The following CRB1 variants were observed in gnomAD, a reference collection of about 807,000 sequenced individuals.
CRB1 encodes protein crumbs homolog 1.
Under a neutral mutation model 120.0 loss-of-function variants are expected in CRB1, and 83 were observed. That is an observed-to-expected ratio of 0.69 (90% CI 0.58 to 0.83). The LOEUF (loss-of-function observed/expected upper bound fraction) is 0.83, where lower values mean the gene tolerates loss of function less well. Among genes scored for constraint, CRB1 ranks in the 40% least tolerant of loss-of-function variants. CRB1 has a pLI of 0.00. For missense variants in CRB1, 1,699 were observed against 1,687.6 expected (o/e 1.01, Z -0.12); for synonymous variants, 625 against 612.5 (o/e 1.02, Z -0.30).
At chr1:197,450,023 A>C (rs1050147603) in intron 11 of CRB1, among the ~76,000 whole-genome samples, 2 of 152,094 alleles carry the variant, frequency 1.3e-5, no homozygotes, top group Non-Finnish European at 2.9e-5. Flanking sequence ...CAGAGACTGC[A>C]CTCCAAAAAA....
the CRB1 span, among the ~76,000 whole-genome samples, chr1:197,242,346 G>A: frequency 2.6e-5 from 4 of 152,052 alleles, no homozygotes; most frequent in African/African-American, 7.2e-5. Flanking sequence ...TTTGAGATAC[G>A]TTTCATGAAT....
chr1:197,294,414 G>T (rs1656390320), intron 1 of CRB1, among the ~76,000 whole-genome samples: 1 of 152,100 alleles, frequency 6.6e-6, no homozygotes, highest in Non-Finnish European at 1.5e-5. Flanking sequence ...AATAACAGGT[G>T]CTGGAGAGGA....
the CRB1 span, among the ~76,000 whole-genome samples, chr1:197,212,311 T>A: frequency 6.6e-6 from 1 of 152,144 alleles, no homozygotes; most frequent in Non-Finnish European, 1.5e-5. Context: ...TATAGTCTTA[T>A]ATACACAAAA....
At chr1:197,240,267 G>A in the CRB1 span, among the ~76,000 whole-genome samples, 4 of 152,014 alleles carry the variant, frequency 2.6e-5, no homozygotes, top group South Asian at 2.1e-4. Flanking sequence ...TGTGCAGAAC[G>A]TGCAGGTTTC....
At chr1:197,274,237 G>A (rs1387133875) in intron 1 of CRB1, among the ~76,000 whole-genome samples, 1 of 151,950 alleles carries the variant, frequency 6.6e-6, no homozygotes, top group Non-Finnish European at 1.5e-5. Context: ...AGCGGTATTG[G>A]ACTGTTAACC....
chr1:197,477,728 T>C lies in CRB1; in HGVS notation c.4070T>C (p.Leu1357Pro), dbSNP rs1373409566. 1 of 1,613,988 alleles carries C rather than the reference T, an allele frequency of 6.2e-7. No individual in the cohort carries two copies. Among genetic ancestry groups the C allele is most frequent in the Non-Finnish European group, 8.5e-7 (1 of 1,179,902 alleles). ...TIGSVTVALL[L>P]ILLLAIVASV... ...GGCTCAGTGACTGTCGCCTTGTTACTGATCCTCTTGCTGGCCATTGTTGCT... is the reference window on the plus strand; with the variant it reads ...GGCTCAGTGACTGTCGCCTTGTTACCGATCCTCTTGCTGGCCATTGTTGCT... The change falls in exon 12 of 12, where the codon CTG becomes CCG. Residue 1357 changes from leucine to proline, a missense_variant. Coordinates refer to ENST00000367400, the MANE Select transcript of CRB1 (RefSeq NM_201253.3).
chr1:197,256,105 G>C, the CRB1 span, among the ~76,000 whole-genome samples: 9 of 149,814 alleles, frequency 6.0e-5, no homozygotes, highest in East Asian at 1.8e-3. Context: ...AATTTCTCTT[G>C]TCAAGGTCAT....
upstream of CRB1, among the ~76,000 whole-genome samples, chr1:197,263,551 T>A (rs1378072565): frequency 1.3e-5 from 2 of 152,090 alleles, no homozygotes; most frequent in Non-Finnish European, 2.9e-5. Flanking sequence ...TCAATTTTTG[T>A]TTTTGTTGCA....
At chr1:197,270,732 G>A (rs1271083426) in intron 1 of CRB1, among the ~76,000 whole-genome samples, 1 of 152,112 alleles carries the variant, frequency 6.6e-6, no homozygotes, top group Non-Finnish European at 1.5e-5. Context: ...TTTGTCCAAG[G>A]CCATACTACT....
At chr1:197,473,618 G>GAAAA (rs36091967) in intron 11 of CRB1, among the ~76,000 whole-genome samples, 2 of 145,102 alleles carry the variant, frequency 1.4e-5, no homozygotes, top group East Asian at 2.0e-4. Flanking sequence ...TCATTTTTCA[G>GAAAA]AAAAAAAAAA....
intron 5 of CRB1, among the ~76,000 whole-genome samples, chr1:197,380,570 A>C (rs1246324341): frequency 6.6e-6 from 1 of 152,184 alleles, no homozygotes; most frequent in Admixed American, 6.5e-5. Context: ...AGAACATCCA[A>C]ATAAGATAAT....
intron 6 of CRB1, among the ~76,000 whole-genome samples, chr1:197,422,264 C>T (rs569593723): frequency 4.6e-5 from 7 of 151,772 alleles, no homozygotes; most frequent in African/African-American, 1.7e-4. Context: ...CCATTGGTCA[C>T]ATATCAGAAA....
At chr1:197,375,311 C>CA (rs142497732) in intron 5 of CRB1, among the ~76,000 whole-genome samples, 67 of 152,246 alleles carry the variant, frequency 4.4e-4, no homozygotes, top group African/African-American at 1.6e-3. Context: ...TCAAGTCTTA[C>CA]AGGGGTGATT....
At chr1:197,225,849 C>T in the CRB1 span, among the ~76,000 whole-genome samples, 2 of 152,280 alleles carry the variant, frequency 1.3e-5, no homozygotes, top group East Asian at 1.9e-4. Flanking sequence ...TTTAAGAGTT[C>T]ATTTTGTCTA....
At chr1:197,475,926 T>C (rs554443927) in intron 11 of CRB1, among the ~76,000 whole-genome samples, 2 of 152,330 alleles carry the variant, frequency 1.3e-5, no homozygotes, top group South Asian at 4.2e-4. Flanking sequence ...TGTTTTTGTT[T>C]TGAGACAGAG....
At chr1:197,438,212 TG>T in intron 9 of CRB1, 1 of 328,822 alleles carries the variant, frequency 3.0e-6, no homozygotes, top group Non-Finnish European at 5.9e-6. Flanking sequence ...TGGCCTTTAT[TG>T]ATTTATTAGC....
intron 1 of CRB1, among the ~76,000 whole-genome samples, chr1:197,292,458 AC>A (rs1376943223): frequency 1.3e-5 from 2 of 152,164 alleles, no homozygotes; most frequent in Non-Finnish European, 2.9e-5. Context: ...AGACAGATTC[AC>A]AGCCGAATTC....
intron 11 of CRB1, among the ~76,000 whole-genome samples, chr1:197,462,677 T>A (rs1044955490): frequency 2.0e-5 from 3 of 152,134 alleles, no homozygotes; most frequent in African/African-American, 7.2e-5. Context: ...GATGTATAAT[T>A]TTTAATTACA....
intron 5 of CRB1, among the ~76,000 whole-genome samples, chr1:197,420,630 A>G (rs1353088389): frequency 2.6e-5 from 4 of 152,222 alleles, no homozygotes; most frequent in Admixed American, 2.6e-4. Flanking sequence ...TCTGAGAAAA[A>G]AGTCTCGAAA....
Sources: gnomAD v4.1 joint callset for allele counts (sites outside exome capture counted in the v4.1 genomes callset) on GRCh38, gnomAD v4.1.1 for gene constraint, MANE v1.5 for transcripts, NCBI Gene and HGNC (gene_info 2026-07-23, HGNC 2026-07-21) for gene names.